The following DPP10 variants were observed in gnomAD, a reference collection of about 807,000 sequenced individuals.
DPP10 encodes the protein inactive dipeptidyl peptidase 10.
A neutral mutation model predicts 120.9 loss-of-function variants in DPP10; 33 were observed. The observed-to-expected ratio is 0.27, with a 90% CI of 0.21 to 0.37. The LOEUF is 0.37. Among genes scored for constraint, DPP10 ranks in the 10% least tolerant of loss-of-function variants. The probability of loss-of-function intolerance (pLI) is 1.00; values close to 1 mark genes in which losing one functional copy is unlikely to be tolerated. For synonymous variants in DPP10, 337 were observed against 326.1 expected (o/e 1.03, Z -0.36); for missense variants, 816 against 942.8 (o/e 0.87, Z 1.76).
At chr2:115,557,493 G>C (rs1180221308) in intron 5 of DPP10, among the ~76,000 whole-genome samples, 1 of 152,148 alleles carries the variant, frequency 6.6e-6, no homozygotes, top group Admixed American at 6.6e-5. Context: ...GCAAACTAAA[G>C]CACTGCCTTG....
intron 3 of DPP10, among the ~76,000 whole-genome samples, chr2:115,444,646 G>A (rs1197144167): frequency 6.6e-6 from 1 of 152,020 alleles, no homozygotes; most frequent in Non-Finnish European, 1.5e-5. Flanking sequence ...TAGTTTTCTG[G>A]GTTTTAGACT....
At chr2:114,640,805 T>C (rs1392408565) in intron 1 of DPP10, among the ~76,000 whole-genome samples, 1 of 151,892 alleles carries the variant, frequency 6.6e-6, no homozygotes, top group African/African-American at 2.4e-5. Flanking sequence ...CTTCTTGGTA[T>C]GTTACAGGGA....
intron 3 of DPP10, among the ~76,000 whole-genome samples, chr2:115,362,637 A>G (rs2064854058): frequency 6.6e-6 from 1 of 152,192 alleles, no homozygotes; most frequent in South Asian, 2.1e-4. Context: ...TATAGTGGAT[A>G]CGAAATTATT....
At chr2:115,454,310 A>C (rs1001270223) in intron 3 of DPP10, among the ~76,000 whole-genome samples, 1 of 151,746 alleles carries the variant, frequency 6.6e-6, no homozygotes, top group Non-Finnish European at 1.5e-5. Context: ...AATATTTTTC[A>C]TAAATGTAGA....
intron 1 of DPP10, among the ~76,000 whole-genome samples, chr2:115,243,311 G>A (rs561175392): frequency 5.3e-5 from 8 of 152,130 alleles, no homozygotes; most frequent in Non-Finnish European, 7.4e-5. Context: ...TACTGACTGA[G>A]CATCTCAGTG....
chr2:115,578,928 A>G (rs943764907), intron 5 of DPP10, among the ~76,000 whole-genome samples: 1 of 152,194 alleles, frequency 6.6e-6, no homozygotes, highest in African/African-American at 2.4e-5. Flanking sequence ...TAACTCATTC[A>G]GTCCTGAGTG....
intron 1 of DPP10, among the ~76,000 whole-genome samples, chr2:114,892,682 C>T (rs532024592): frequency 1.3e-5 from 2 of 152,274 alleles, no homozygotes; most frequent in South Asian, 4.1e-4. Flanking sequence ...CTCAGGTCTT[C>T]GTGCAGATAA....
intron 1 of DPP10, among the ~76,000 whole-genome samples, chr2:114,585,171 C>T (rs148937403): frequency 8.5e-4 from 130 of 152,264 alleles, no homozygotes; most frequent in African/African-American, 3.0e-3. Flanking sequence ...CCTACACTCT[C>T]CTTTGGAGAC....
chr2:115,812,021 C>T (rs1686701112), intron 19 of DPP10, among the ~76,000 whole-genome samples: 1 of 152,110 alleles, frequency 6.6e-6, no homozygotes, highest in Non-Finnish European at 1.5e-5. Context: ...CATTATACTT[C>T]ATAAAGTATT....
At chr2:115,331,100 G>A (rs146752797) in intron 2 of DPP10, among the ~76,000 whole-genome samples, 6,879 of 151,886 alleles carry the variant, frequency 0.045, 221 homozygotes, top group Middle Eastern at 0.088. Context: ...CTTTTATTTC[G>A]TTGAGCAGTG....
intron 1 of DPP10, among the ~76,000 whole-genome samples, chr2:114,964,044 T>C (rs1046553498): frequency 6.6e-6 from 1 of 152,156 alleles, no homozygotes; most frequent in Non-Finnish European, 1.5e-5. Flanking sequence ...AACCCACCCA[T>C]AGACCTTTCA....
intron 1 of DPP10, among the ~76,000 whole-genome samples, chr2:114,892,856 C>G (rs1264834112): frequency 6.6e-6 from 1 of 152,040 alleles, no homozygotes; most frequent in Non-Finnish European, 1.5e-5. Context: ...AGTCCTGGAC[C>G]CCCCAAAAAA....
chr2:115,029,799 A>G (rs528758201), intron 1 of DPP10, among the ~76,000 whole-genome samples: 11 of 152,230 alleles, frequency 7.2e-5, no homozygotes, highest in Non-Finnish European at 1.3e-4. Flanking sequence ...CTTGCTTTTA[A>G]GTTTTGTTTA....
intron 1 of DPP10, among the ~76,000 whole-genome samples, chr2:115,215,545 A>G (rs929290628): frequency 1.3e-5 from 2 of 152,144 alleles, no homozygotes; most frequent in East Asian, 3.9e-4. Flanking sequence ...AAAAGGGAAC[A>G]TATACATCAT....
Position 115,777,848 on chromosome 2 carries a change from A to G in DPP10, c.1361+14A>G. ...GCAGCTGTACAGGTAAGCAGTGTGC[A>G]AGGATCTCCTTACACAGATTGGCTT... On this transcript the variant is annotated intron_variant, in intron 15 of 25. Coordinates refer to ENST00000410059, the MANE Select transcript of DPP10 (RefSeq NM_020868.6). The G allele has an allele frequency of 1.2e-6, 2 of 1,612,910 alleles. No homozygotes were observed. Among genetic ancestry groups the G allele is most frequent in the Non-Finnish European group, 1.7e-6 (2 of 1,179,220 alleles).
intron 1 of DPP10, among the ~76,000 whole-genome samples, chr2:115,126,313 C>A (rs1053808487): frequency 6.6e-6 from 1 of 151,938 alleles, no homozygotes; most frequent in Non-Finnish European, 1.5e-5. Context: ...CATCGCCCAG[C>A]CTGGTCTTGA....
At chr2:115,262,829 A>G (rs2059309932) in intron 1 of DPP10, among the ~76,000 whole-genome samples, 1 of 152,188 alleles carries the variant, frequency 6.6e-6, no homozygotes, top group South Asian at 2.1e-4. Flanking sequence ...AGATCCCTAC[A>G]AAGAAGTAAA....
intron 4 of DPP10, among the ~76,000 whole-genome samples, chr2:115,505,252 AAAT>A (rs1366365687): frequency 3.9e-5 from 6 of 151,902 alleles, no homozygotes; most frequent in African/African-American, 1.4e-4. Context: ...AGTAATATAA[AAAT>A]AATATTAAAA....
intron 3 of DPP10, among the ~76,000 whole-genome samples, chr2:115,410,538 T>C (rs572059257): frequency 1.3e-5 from 2 of 152,276 alleles, no homozygotes; most frequent in Non-Finnish European, 2.9e-5. Flanking sequence ...AATACCTAGA[T>C]GATGAGTTGA....
Sources: allele counts gnomAD v4.1 joint callset (sites outside exome capture counted in the v4.1 genomes callset), GRCh38; gene constraint gnomAD v4.1.1; transcripts MANE v1.5; gene names NCBI Gene and HGNC (gene_info 2026-07-23, HGNC 2026-07-21).